ADAMTSL1: variants seen among roughly 807,000 people sequenced by gnomAD.
ADAMTSL1 encodes the protein ADAMTS-like protein 1.
A neutral mutation model predicts 201.8 loss-of-function variants in ADAMTSL1; 126 were observed. That is an observed-to-expected ratio of 0.62 (90% CI 0.54 to 0.72). ADAMTSL1 has a LOEUF of 0.72. Among genes scored for constraint, ADAMTSL1 ranks in the 30% least tolerant of loss-of-function variants. The probability of loss-of-function intolerance (pLI) is 0.00; values close to 1 mark genes in which losing one functional copy is unlikely to be tolerated. For synonymous variants in ADAMTSL1, 1,121 were observed against 903.4 expected (o/e 1.24, Z -4.32); for missense variants, 2,679 against 2,277.8 (o/e 1.18, Z -3.59).
intron 2 of ADAMTSL1, among the ~76,000 whole-genome samples, chr9:18,422,919 T>C (rs1474126424): frequency 6.6e-6 from 1 of 152,188 alleles, no homozygotes; most frequent in Non-Finnish European, 1.5e-5. Context: ...TTCTCACAGT[T>C]GACAATAACA....
At chr9:18,398,999 G>A (rs1817857495) in intron 2 of ADAMTSL1, among the ~76,000 whole-genome samples, 1 of 151,914 alleles carries the variant, frequency 6.6e-6, no homozygotes, top group African/African-American at 2.4e-5. Flanking sequence ...TGAAGTGTAA[G>A]GGTAGGGAAA....
intron 23 of ADAMTSL1, among the ~76,000 whole-genome samples, chr9:18,854,590 G>T (rs982960887): frequency 6.6e-6 from 1 of 152,150 alleles, no homozygotes. Context: ...AAGAATAGAT[G>T]AATAGAATGG....
chr9:18,431,491 G>C (rs988609289), intron 2 of ADAMTSL1, among the ~76,000 whole-genome samples: 1 of 152,046 alleles, frequency 6.6e-6, no homozygotes, highest in Non-Finnish European at 1.5e-5. Flanking sequence ...ACTGCACTGG[G>C]GATAAGAATT....
chr9:17,950,949 G>C (rs1441938456), intron 1 of ADAMTSL1, among the ~76,000 whole-genome samples: 1 of 152,136 alleles, frequency 6.6e-6, no homozygotes, highest in East Asian at 1.9e-4. Flanking sequence ...CCCTAGGCTT[G>C]ACCCAGGGTT....
At chr9:18,714,853 A>C (rs1329564455) in intron 14 of ADAMTSL1, among the ~76,000 whole-genome samples, 2 of 151,418 alleles carry the variant, frequency 1.3e-5, no homozygotes, top group Non-Finnish European at 3.0e-5. Context: ...TCCTCAGTAA[A>C]ATACTGGCAA....
intron 2 of ADAMTSL1, among the ~76,000 whole-genome samples, chr9:18,275,527 C>G (rs1467752377): frequency 2.0e-5 from 3 of 152,128 alleles, no homozygotes; most frequent in African/African-American, 7.2e-5. Context: ...CTAATCTCAC[C>G]TTAGCCCTAG....
intron 4 of ADAMTSL1, among the ~76,000 whole-genome samples, chr9:18,620,618 A>G (rs1412442664): frequency 1.3e-5 from 2 of 152,212 alleles, no homozygotes; most frequent in Non-Finnish European, 2.9e-5. Flanking sequence ...AGAAGTCTTA[A>G]GCCAGCACAT....
intron 1 of ADAMTSL1, among the ~76,000 whole-genome samples, chr9:17,962,824 G>T (rs754650117): frequency 6.6e-6 from 1 of 152,230 alleles, no homozygotes; most frequent in African/African-American, 2.4e-5. Flanking sequence ...TTTGCACAGC[G>T]TGCAGTTATT....
At chr9:18,419,857 G>A (rs1818861881) in intron 2 of ADAMTSL1, among the ~76,000 whole-genome samples, 1 of 151,398 alleles carries the variant, frequency 6.6e-6, no homozygotes, top group Non-Finnish European at 1.5e-5. Flanking sequence ...AGCCTCCTGA[G>A]TAGCTGGGAC....
chr9:18,495,196 C>T (rs942918841), intron 1 of ADAMTSL1, among the ~76,000 whole-genome samples: 2 of 152,134 alleles, frequency 1.3e-5, no homozygotes, highest in Non-Finnish European at 2.9e-5. Context: ...ACTGTAAATC[C>T]TCTAAAGGTG....
At chr9:18,514,319 T>TTTTC (rs202026152) in intron 2 of ADAMTSL1, among the ~76,000 whole-genome samples, 9,460 of 142,492 alleles carry the variant, frequency 0.066, 466 homozygotes, top group Middle Eastern at 0.11. Flanking sequence ...TGCAACTGAT[T>TTTTC]TTTCTTTCTT....
chr9:18,421,436 C>A (rs951139932), intron 2 of ADAMTSL1, among the ~76,000 whole-genome samples: 2 of 152,174 alleles, frequency 1.3e-5, no homozygotes, highest in East Asian at 3.9e-4. Context: ...CATCACAGAG[C>A]TCCTAAGCGA....
intron 12 of ADAMTSL1, 25 bp from the exon 13 acceptor site, chr9:18,684,691 G>A: frequency 6.2e-7 from 1 of 1,608,140 alleles, no homozygotes; most frequent in Non-Finnish European, 8.5e-7. Context: ...CTCTTCTTTT[G>A]TATGTGCATG....
intron 2 of ADAMTSL1, among the ~76,000 whole-genome samples, chr9:18,218,974 A>T (rs1279417388): frequency 6.6e-6 from 1 of 152,054 alleles, no homozygotes; most frequent in Non-Finnish European, 1.5e-5. Flanking sequence ...GATATGGATT[A>T]CCAATTTTCC....
At chr9:18,144,183 A>G (rs527663943) in intron 1 of ADAMTSL1, among the ~76,000 whole-genome samples, 2 of 128,424 alleles carry the variant, frequency 1.6e-5, no homozygotes, top group South Asian at 2.9e-4. Flanking sequence ...CTAATAGTAT[A>G]TACATCTTTT....
chr9:18,348,977 T>A (rs1013796415), intron 2 of ADAMTSL1, among the ~76,000 whole-genome samples: 1 of 152,174 alleles, frequency 6.6e-6, no homozygotes, highest in African/African-American at 2.4e-5. Flanking sequence ...ATGTTGACCA[T>A]GAAGGCAAGT....
rs185931271 is a variant in ADAMTSL1 at position 18,091,438 on chromosome 9, C to A, written c.88-72424C>A. Among the ~76,000 whole-genome samples the A allele has an allele frequency of 3.3e-5, 5 of 152,264 alleles. No homozygotes were observed. In the East Asian group the frequency reaches 9.7e-4, roughly 29 times the overall value. ...TCTTGAATTTCACCCTGGCCTCTGG[C>A]TGTGCCCTTCTGCGATCTCTGAATG... On this transcript the variant is annotated intron_variant, in intron 1 of 29. Coordinates refer to the ADAMTSL1 transcript ENST00000680146.
chr9:18,483,428 A>G (rs11793923), intron 1 of ADAMTSL1, among the ~76,000 whole-genome samples: 89,615 of 151,992 alleles, frequency 0.59, 26,734 homozygotes, highest in African/African-American at 0.67. Context: ...CCTTTAAATA[A>G]CAGCCATCAT....
chr9:18,776,950 C>A lies in ADAMTSL1; in HGVS notation c.2721C>A (p.Pro907=). Reference sequence around the variant, plus strand: ...GCCCGGCGCGCAGGGTCCGCAAGCCCCTCATCACCTGGGAGAAGGACGGCC... The same window carrying A: ...GCCCGGCGCGCAGGGTCCGCAAGCCACTCATCACCTGGGAGAAGGACGGCC... ...LRCPARRVRK[P]LITWEKDGQH... The change falls in exon 19 of 29, where the codon CCC becomes CCA. Residue 907 remains proline (P), a synonymous_variant. Coordinates refer to ENST00000380548, the MANE Select transcript of ADAMTSL1 (RefSeq NM_001040272.6). 6.3e-7 allele frequency: 1 copy of A among 1,599,512 alleles called. No individual in the cohort carries two copies. The highest frequency in any genetic ancestry group is 8.5e-7 in the Non-Finnish European group (1 of 1,172,094).
Sources: allele counts gnomAD v4.1 joint callset (sites outside exome capture counted in the v4.1 genomes callset), GRCh38; gene constraint gnomAD v4.1.1; transcripts MANE v1.5; gene names NCBI Gene and HGNC (gene_info 2026-07-23, HGNC 2026-07-21).